The following TLK1 variants were observed in gnomAD, a reference collection of about 807,000 sequenced individuals.
TLK1 encodes tousled like kinase 1, also known as serine/threonine-protein kinase tousled-like 1.
In TLK1, 24 loss-of-function variants were observed where a neutral mutation model predicts 105.3. That is an observed-to-expected ratio of 0.23 (90% CI 0.17 to 0.32). The LOEUF (loss-of-function observed/expected upper bound fraction) is 0.32. Among genes scored for constraint, TLK1 ranks in the 10% least tolerant of loss-of-function variants. The probability of loss-of-function intolerance (pLI) is 1.00; values close to 1 mark genes in which losing one functional copy is unlikely to be tolerated. For synonymous variants in TLK1, 321 were observed against 310.4 expected, an observed-to-expected ratio of 1.03 and a Z score of -0.36; for missense variants, 558 against 910.5, an observed-to-expected ratio of 0.61 and a Z score of 4.98.
intron 1 of TLK1, among the ~76,000 whole-genome samples, chr2:171,194,766 C>G (rs540255027): frequency 1.2e-3 from 175 of 147,286 alleles, no homozygotes; most frequent in African/African-American, 3.7e-3. Flanking sequence ...GCAGTGAGCC[C>G]AGATCGCGCC....
At chr2:171,118,817 C>G (rs1690539207) in intron 1 of TLK1, among the ~76,000 whole-genome samples, 1 of 152,176 alleles carries the variant, frequency 6.6e-6, no homozygotes, top group South Asian at 2.1e-4. Flanking sequence ...TGACATTCCT[C>G]TCCTAAAGGT....
chr2:171,162,611 C>A (rs1692533502), upstream of TLK1, among the ~76,000 whole-genome samples: 1 of 152,190 alleles, frequency 6.6e-6, no homozygotes, highest in South Asian at 2.1e-4. Flanking sequence ...GAAACCACTT[C>A]TACAAGGAAG....
chr2:171,129,965 C>T (rs569902366), intron 1 of TLK1, among the ~76,000 whole-genome samples: 23 of 152,184 alleles, frequency 1.5e-4, no homozygotes, highest in African/African-American at 5.5e-4. Context: ...TTTACCATAT[C>T]CTCGTAAGAT....
At chr2:171,142,302 A>T (rs1020984136) in intron 1 of TLK1, among the ~76,000 whole-genome samples, 1 of 152,222 alleles carries the variant, frequency 6.6e-6, no homozygotes, top group African/African-American at 2.4e-5. Flanking sequence ...ATTTAAACAT[A>T]TCAGCAAGTA....
At chr2:171,170,649 G>C (rs897140072) in intron 1 of TLK1, among the ~76,000 whole-genome samples, 5 of 152,232 alleles carry the variant, frequency 3.3e-5, no homozygotes, top group South Asian at 2.1e-4. Context: ...CAAGGTGAAA[G>C]TGCCCTGGAT....
chr2:171,137,079 T>C (rs1273202549), intron 1 of TLK1, among the ~76,000 whole-genome samples: 1 of 152,138 alleles, frequency 6.6e-6, no homozygotes, highest in African/African-American at 2.4e-5. Context: ...TCCCAGCACT[T>C]TGGGAAGCCA....
At chr2:171,059,941 A>G in intron 4 of TLK1, 2 of 1,571,858 alleles carry the variant, frequency 1.3e-6, no homozygotes, top group Non-Finnish European at 1.8e-6. Context: ...TGTACGACCC[A>G]TTTCCCAATA....
At chr2:171,155,388 T>C (rs1211070935) in intron 1 of TLK1, among the ~76,000 whole-genome samples, 2 of 152,150 alleles carry the variant, frequency 1.3e-5, no homozygotes, top group African/African-American at 2.4e-5. Flanking sequence ...CAAGATTTCA[T>C]GAAGACTGAT....
intron 18 of TLK1, 49 bp downstream of exon 18, chr2:171,006,098 G>A: frequency 6.9e-7 from 1 of 1,445,138 alleles, no homozygotes; most frequent in South Asian, 1.7e-5. Context: ...TATTATAAAA[G>A]CACTGGGCAC....
At chr2:171,188,751 G>A (rs998669152) in intron 1 of TLK1, among the ~76,000 whole-genome samples, 8 of 150,356 alleles carry the variant, frequency 5.3e-5, no homozygotes, top group African/African-American at 2.0e-4. Flanking sequence ...GTGGTGGCAC[G>A]TGGTCCCAAC....
intron 1 of TLK1, among the ~76,000 whole-genome samples, chr2:171,218,910 T>A (rs935096535): frequency 6.6e-6 from 1 of 152,150 alleles, no homozygotes; most frequent in African/African-American, 2.4e-5. Context: ...TAGCACATAG[T>A]AAATTTTATA....
chr2:171,217,097 A>T (rs1005478920), intron 1 of TLK1, among the ~76,000 whole-genome samples: 1 of 152,234 alleles, frequency 6.6e-6, no homozygotes, highest in African/African-American at 2.4e-5. Context: ...TTCCAACAGC[A>T]GTGCCACAGA....
At chr2:171,009,738 G>A (rs899080139) in intron 14 of TLK1, among the ~76,000 whole-genome samples, 7 of 152,158 alleles carry the variant, frequency 4.6e-5, no homozygotes, top group Non-Finnish European at 8.8e-5. Flanking sequence ...GAGCCAATGA[G>A]TCAGACAGGG....
At chr2:171,105,307 T>C (rs1689870783) in intron 2 of TLK1, among the ~76,000 whole-genome samples, 1 of 152,048 alleles carries the variant, frequency 6.6e-6, no homozygotes, top group Non-Finnish European at 1.5e-5. Flanking sequence ...AGCAAAACAA[T>C]AAATAATCCA....
chr2:171,023,663 C>CA (rs1479919909), intron 12 of TLK1, among the ~76,000 whole-genome samples: 3 of 152,150 alleles, frequency 2.0e-5, no homozygotes, highest in Non-Finnish European at 2.9e-5. Flanking sequence ...TAATAACTTT[C>CA]AAAATTCTCA....
At chr2:171,059,431 T>C (rs1362695084) in intron 4 of TLK1, among the ~76,000 whole-genome samples, 1 of 152,228 alleles carries the variant, frequency 6.6e-6, no homozygotes, top group African/African-American at 2.4e-5. Context: ...CTCACCTTCT[T>C]ATTAGAAATC....
rs567069964 is a variant in TLK1 at position 171,186,219 on chromosome 2, C to G, written c.-6+44926G>C. On this transcript the variant is annotated intron_variant, in intron 1 of 20. Transcript: ENST00000521943. The stretch of plus-strand genomic sequence containing the variant: ...TTATTTTGATAGGAATAATCCTCAT[C>G]GAAATGCCTATAGGAAACACCAGAT... Among the ~76,000 whole-genome samples the G allele has an allele frequency of 8.5e-5, 13 of 152,290 alleles. No individual in the cohort carries two copies. In the South Asian group the frequency reaches 1.9e-3, roughly 22 times the overall value.
At chr2:171,081,697 T>A (rs1166131833) in intron 3 of TLK1, 1 of 1,304,184 alleles carries the variant, frequency 7.7e-7, no homozygotes, top group Non-Finnish European at 1.0e-6. Context: ...TTCAGCTGCC[T>A]GCCAGTTGTT....
At chr2:171,056,710 C>T in intron 5 of TLK1, 144 bp from the exon 6 acceptor site, 1 of 529,724 alleles carries the variant, frequency 1.9e-6, no homozygotes, top group South Asian at 2.6e-5. Context: ...AAAAAAAAAA[C>T]ACAAGGTCAG....
Sources: allele counts gnomAD v4.1 joint callset (sites outside exome capture counted in the v4.1 genomes callset), GRCh38; gene constraint gnomAD v4.1.1; transcripts MANE v1.5; gene names NCBI Gene and HGNC (gene_info 2026-07-23, HGNC 2026-07-21).